Variants in TMOD1 observed in about 807,000 individuals in gnomAD.
TMOD1 encodes tropomodulin 1, also known as tropomodulin-1.
Under a neutral mutation model 40.6 loss-of-function variants are expected in TMOD1, and 17 were observed. The observed-to-expected ratio is 0.42, with a 90% CI of 0.29 to 0.63. The LOEUF (loss-of-function observed/expected upper bound fraction) is 0.63. TMOD1 is among the 20% of genes least tolerant of loss of function. The pLI, the probability that TMOD1 is intolerant of heterozygous loss-of-function variation, is 0.22. For synonymous variants in TMOD1, 181 were observed against 175.0 expected (o/e 1.03, Z -0.27); for missense variants, 391 against 447.6 (o/e 0.87, Z 1.14).
chr9:97,516,005 A>C (rs931172196), intron 1 of TMOD1, among the ~76,000 whole-genome samples: 1 of 152,150 alleles, frequency 6.6e-6, no homozygotes, highest in African/African-American at 2.4e-5. Flanking sequence ...TCTCAGCCTT[A>C]AAAACTAAGG....
chr9:97,542,367 G>A (rs1379772250), intron 2 of TMOD1, among the ~76,000 whole-genome samples: 2 of 152,020 alleles, frequency 1.3e-5, no homozygotes, highest in African/African-American at 2.4e-5. Flanking sequence ...TATTAGAAAA[G>A]GCCTTTGACA....
chr9:97,502,611 C>T lies in TMOD1; in HGVS notation c.-49+808C>T, dbSNP rs1476774322. 6.6e-6 allele frequency among the ~76,000 whole-genome samples: 1 copy of T among 152,190 alleles called. No individual in the cohort carries two copies. The highest frequency in any genetic ancestry group is 1.9e-4 in the East Asian group (1 of 5,162). Reference sequence around the variant, plus strand: ...GCCTGCGCTCCCCACACCTGTTCACCCTCTCCGGGCCTGGGACGCTGGGGT... The same window carrying T: ...GCCTGCGCTCCCCACACCTGTTCACTCTCTCCGGGCCTGGGACGCTGGGGT... On this transcript the variant is annotated intron_variant, in intron 1 of 9. Coordinates refer to ENST00000259365, the MANE Select transcript of TMOD1 (RefSeq NM_003275.4). This position sits in a 1 kb window ranked among gnomAD's most constrained non-coding sequence, Gnocchi z 6.1.
chr9:97,557,546 G>GCTTAGGGAC lies in TMOD1; in HGVS notation c.397+4152_397+4153insGACCTTAGG, dbSNP rs1830554845. 6.6e-6 allele frequency among the ~76,000 whole-genome samples: 1 copy of GCTTAGGGAC among 152,212 alleles called. No individual in the cohort carries two copies. The highest frequency in any genetic ancestry group is 1.5e-5 in the Non-Finnish European group (1 of 68,028). ...CCCTGGCTTCTGGCTACTTCCGTGT[G>GCTTAGGGAC]CTTAGGCACCTGTCCTGCTACCCTG... On this transcript the variant is annotated intron_variant, in intron 4 of 9. Coordinates refer to ENST00000259365, the MANE Select transcript of TMOD1 (RefSeq NM_003275.4). This position sits in a 1 kb window ranked among gnomAD's most constrained non-coding sequence, Gnocchi z 4.4.
chr9:97,584,939 A>G (rs1825838137), intron 8 of TMOD1, among the ~76,000 whole-genome samples: 1 of 152,192 alleles, frequency 6.6e-6, no homozygotes, highest in Non-Finnish European at 1.5e-5. Flanking sequence ...GCACACTGAT[A>G]GGTCTTGACT....
At chr9:97,581,745 G>A (rs1316489820) in intron 8 of TMOD1, among the ~76,000 whole-genome samples, 2 of 152,006 alleles carry the variant, frequency 1.3e-5, no homozygotes, top group African/African-American at 2.4e-5. Context: ...CTGATGGCCA[G>A]TGATGATGAG....
At chr9:97,501,480 C>G (rs1004167829), upstream of TMOD1, among the ~76,000 whole-genome samples, 1 of 151,964 alleles carries the variant, frequency 6.6e-6, no homozygotes, top group Non-Finnish European at 1.5e-5. Context: ...GCCCGACTCC[C>G]CTGCGCTCCC....
At chr9:97,577,495 T>A (rs969562087) in intron 8 of TMOD1, among the ~76,000 whole-genome samples, 1 of 152,114 alleles carries the variant, frequency 6.6e-6, no homozygotes, top group Admixed American at 6.6e-5. Flanking sequence ...GCCTATAAAA[T>A]GAAAATAATG....
rs568435679 is a variant in TMOD1, at chr9:97,516,943, C to T, written c.-48-7198C>T. ...ACAACAACAGGAATGTACTTAATGC[C>T]GCAGAACTGTGCAACTAAAAATGGT... is the stretch of plus-strand genomic sequence containing the variant. On this transcript the variant is annotated intron_variant, in intron 1 of 9. Coordinates refer to ENST00000259365, the MANE Select transcript of TMOD1 (RefSeq NM_003275.4). 4 of 152,100 alleles carry T rather than the reference C, an allele frequency of 2.6e-5. No homozygotes were observed. The East Asian group carries it at 5.8e-4, about 22-fold the overall frequency. The allele number at this position is 152,100 out of a possible 1,614,324, so 9.4% of individuals were successfully genotyped here.
intron 2 of TMOD1, among the ~76,000 whole-genome samples, chr9:97,535,966 G>A (rs1564235513): frequency 6.6e-6 from 1 of 152,180 alleles, no homozygotes. Flanking sequence ...TGTGTCTGGA[G>A]GGGGTGGGGC....
At chr9:97,532,329 C>G (rs1042835204) in intron 2 of TMOD1, among the ~76,000 whole-genome samples, 6 of 152,150 alleles carry the variant, frequency 3.9e-5, no homozygotes, top group Admixed American at 6.5e-5. Flanking sequence ...TCTCCCAACC[C>G]CTCCTCTGGC....
In TMOD1 at chr9:97,502,630, C is replaced by A. The variant is rs183675978; in HGVS notation, c.-49+827C>A. 1.9e-4 allele frequency among the ~76,000 whole-genome samples: 29 copies of A among 152,330 alleles called. No individual in the cohort carries two copies. Among genetic ancestry groups the A allele is most frequent in the Admixed American group, 1.8e-3 (27 of 15,310 alleles). On this transcript the variant is annotated intron_variant, in intron 1 of 9. Transcript: ENST00000259365. The surrounding 1 kb of genome is among the most constrained non-coding windows in gnomAD (Gnocchi z 6.1). The stretch of plus-strand genomic sequence containing the variant: ...GTTCACCCTCTCCGGGCCTGGGACG[C>A]TGGGGTCCCAGCCGCGCACATGCGG...
intron 9 of TMOD1, 72 bp downstream of exon 9, chr9:97,591,507 G>A: frequency 1.3e-6 from 2 of 1,543,508 alleles, no homozygotes; most frequent in South Asian, 2.4e-5. Flanking sequence ...GGATGTCAGG[G>A]AAAATTCTGT....
chr9:97,579,578 G>T (rs11792768), intron 8 of TMOD1, among the ~76,000 whole-genome samples: 21,596 of 152,224 alleles, frequency 0.14, 2,024 homozygotes, highest in East Asian at 0.34. Context: ...GAGCCACTGT[G>T]CCCGGCTACC....
At chr9:97,586,024 C>T (rs1339783581) in intron 8 of TMOD1, among the ~76,000 whole-genome samples, 4 of 151,858 alleles carry the variant, frequency 2.6e-5, no homozygotes, top group African/African-American at 9.7e-5. Context: ...CATTCTCCAT[C>T]CAGCTTTGTT....
chr9:97,561,872 A>G (rs1386330875), intron 4 of TMOD1, among the ~76,000 whole-genome samples: 1 of 152,032 alleles, frequency 6.6e-6, no homozygotes, highest in East Asian at 1.9e-4. Context: ...CTTGACCAAC[A>G]CTTACTCCTC....
chr9:97,534,694 T>C (rs6478247), intron 2 of TMOD1, among the ~76,000 whole-genome samples: 126,566 of 152,212 alleles, frequency 0.83, 53,036 homozygotes, highest in African/African-American at 0.94. Context: ...TCAGAGAAAA[T>C]TAAGATATAT....
At chr9:97,549,002 A>G (rs1228735498) in intron 3 of TMOD1, among the ~76,000 whole-genome samples, 1 of 152,164 alleles carries the variant, frequency 6.6e-6, no homozygotes, top group Non-Finnish European at 1.5e-5. Flanking sequence ...ACAGCACCCC[A>G]CACCGCAAGA....
intron 2 of TMOD1, among the ~76,000 whole-genome samples, chr9:97,525,096 G>A (rs1587920418): frequency 6.6e-6 from 1 of 152,050 alleles, no homozygotes; most frequent in Admixed American, 6.6e-5. Context: ...AGACAGTAAC[G>A]ATGTCATAAT....
At chr9:97,501,641 C>G (rs956235895), upstream of TMOD1, 1 of 148,652 alleles carries the variant, frequency 6.7e-6, no homozygotes, top group Admixed American at 6.7e-5. Context: ...GAGCCCACAG[C>G]TCCCGCCCGC....
Sources: gnomAD v4.1 joint callset for allele counts (sites outside exome capture counted in the v4.1 genomes callset) on GRCh38, gnomAD v4.1.1 for gene constraint, Gnocchi (gnomAD v3.1) non-coding constraint, MANE v1.5 for transcripts, NCBI Gene and HGNC (gene_info 2026-07-23, HGNC 2026-07-21) for gene names.